Variants in ELAC1 observed in about 807,000 individuals in gnomAD.
ELAC1 encodes zinc phosphodiesterase ELAC protein 1.
ELAC1 carries 19 observed loss-of-function variants against 25.8 expected under a neutral mutation model. The observed-to-expected ratio is 0.74, with a 90% CI of 0.51 to 1.08. The LOEUF is 1.08. Ranked by LOEUF, ELAC1 falls within the 50% of genes least tolerant of loss-of-function variation. ELAC1 has a pLI of 0.00. For missense variants in ELAC1, 403 were observed against 434.6 expected (o/e 0.93, Z 0.65); for synonymous variants, 148 against 160.9 (o/e 0.92, Z 0.61).
At chr18:50,986,186 G>A (rs1266140656) in intron 3 of ELAC1, among the ~76,000 whole-genome samples, 3 of 151,572 alleles carry the variant, frequency 2.0e-5, no homozygotes, top group South Asian at 2.1e-4. Context: ...CACCTGCCTC[G>A]GCCTCGCACA....
chr18:50,978,515 G>A (rs925447794), intron 2 of ELAC1, among the ~76,000 whole-genome samples: 2 of 152,134 alleles, frequency 1.3e-5, no homozygotes, highest in Non-Finnish European at 1.5e-5. Context: ...TCACTGTCAC[G>A]AGAACAGCAT....
rs1168071139 is a variant in ELAC1, at chr18:50,987,820, A to G, written c.*735A>G. The G allele has an allele frequency of 6.6e-6, 1 of 152,222 alleles. No homozygotes were observed. Among genetic ancestry groups the G allele is most frequent in the Non-Finnish European group, 1.5e-5 (1 of 68,034 alleles). 9.4% of individuals were successfully genotyped at this position (152,222 alleles called of 1,614,324 possible). ...GTCCTGCAAAGTTTTGGTCAGTCAT[A>G]TACAATAAAGAATCATCTCACCCCG... On this transcript the variant is annotated 3_prime_UTR_variant, in exon 4 of 4. Transcript: ENST00000269466.
rs1284816410 is a variant in ELAC1, at chr18:50,987,665, G to A, written c.*580G>A. On this transcript the variant is annotated 3_prime_UTR_variant, in exon 4 of 4. Transcript: ENST00000269466. ...TTAACCCATGGTTCTCAGCTGGGGT[G>A]ACACTGCTCCTCTAGAAGCAGGTTT... 1.3e-5 allele frequency: 2 copies of A among 152,216 alleles called. No individual in the cohort carries two copies. The highest frequency in any genetic ancestry group is 3.8e-4 in the East Asian group (2 of 5,198). The allele number at this position is 152,216 out of a possible 1,614,324, so 9.4% of individuals were successfully genotyped here.
At position 50,986,566 on chromosome 18, in the gene ELAC1, A is replaced by T; in HGVS notation, c.626-53A>T. ...GCAATGCTGTTAAAATAGACTCTTG[A>T]AAAGTCATAAATTCCATTCCTATGA... is the stretch of plus-strand genomic sequence containing the variant. On this transcript the variant is annotated intron_variant, in intron 3 of 3. Transcript: ENST00000269466. 2.8e-6 allele frequency: 4 copies of T among 1,406,318 alleles called. No homozygotes were observed. The South Asian group carries it at 5.5e-5, about 19-fold the overall frequency. 87.1% of individuals were successfully genotyped at this position (1,406,318 alleles called of 1,614,324 possible).
chr18:50,980,405 A>C (rs997732269), intron 2 of ELAC1, among the ~76,000 whole-genome samples: 1 of 151,888 alleles, frequency 6.6e-6, no homozygotes, highest in African/African-American at 2.4e-5. Context: ...AAAAGAAAAC[A>C]AAAAAAACAC....
At chr18:50,981,883 G>T (rs1036568552) in intron 2 of ELAC1, among the ~76,000 whole-genome samples, 21 of 113,644 alleles carry the variant, frequency 1.8e-4, no homozygotes, top group African/African-American at 6.5e-4. Flanking sequence ...TTTCACTCTT[G>T]TTGCCCAGGC....
At chr18:50,986,577 A>T (rs998181005) in intron 3 of ELAC1, 42 bp from the exon 4 acceptor site, 2 of 1,466,586 alleles carry the variant, frequency 1.4e-6, no homozygotes, top group Non-Finnish European at 1.9e-6. Context: ...AAAGTCATAA[A>T]TTCCATTCCT....
At chr18:50,972,530 G>A (rs940767352) in intron 1 of ELAC1, among the ~76,000 whole-genome samples, 2 of 152,156 alleles carry the variant, frequency 1.3e-5, no homozygotes, top group African/African-American at 2.4e-5. Context: ...CACCCAGGCT[G>A]GAGTGCAATT....
Position 50,986,729 on chromosome 18 carries a change from A to G in ELAC1, c.736A>G (p.Arg246Gly). 6.2e-7 allele frequency: 1 copy of G among 1,614,218 alleles called. No individual in the cohort carries two copies. Among genetic ancestry groups the G allele is most frequent in the South Asian group, 1.1e-5 (1 of 91,086 alleles). ...TGTCTTAAAAAAGCCTATTGTTGGA[A>G]GAAAAATCTGCATATTGGGTGACTG... ...QDVLKKPIVG[R>G]KICILGDCSG... The change falls in exon 4 of 4, where the codon AGA (arginine) becomes GGA (glycine). Residue 246 changes from arginine to glycine, a missense_variant. Coordinates refer to ENST00000269466, the MANE Select transcript of ELAC1 (RefSeq NM_018696.3).
intron 1 of ELAC1, among the ~76,000 whole-genome samples, chr18:50,973,291 G>A (rs1907711228): frequency 6.6e-6 from 1 of 152,110 alleles, no homozygotes; most frequent in Admixed American, 6.5e-5. Context: ...TCTATAATCA[G>A]TTATGTATAA....
chr18:50,984,038 G>T lies in ELAC1; in HGVS notation c.158-58G>T. The T allele has an allele frequency of 8.7e-7, 1 of 1,144,320 alleles. No individual in the cohort carries two copies. The highest frequency in any genetic ancestry group is 2.0e-4 in the Middle Eastern group (1 of 4,898). The allele number at this position is 1,144,320 out of a possible 1,614,324, so 70.9% of individuals were successfully genotyped here. ...TGTTAGGCTTGTTTCAAATAGCTTTGTATGGGTTTTTAGTTAATGAAAAAT... is the reference window on the plus strand; with the variant it reads ...TGTTAGGCTTGTTTCAAATAGCTTTTTATGGGTTTTTAGTTAATGAAAAAT... On this transcript the variant is annotated intron_variant, in intron 2 of 3. Coordinates refer to ENST00000269466, the MANE Select transcript of ELAC1 (RefSeq NM_018696.3).
rs748468090 is a variant in ELAC1 at position 50,986,857 on chromosome 18, G to T, written c.864G>T (p.Glu288Asp). 1 of 1,614,180 alleles carries T rather than the reference G, an allele frequency of 6.2e-7. No individual in the cohort carries two copies. Among genetic ancestry groups the T allele is most frequent in the Admixed American group, 1.7e-5 (1 of 60,008 alleles). The change falls in exon 4 of 4, where the codon GAG (glutamate) becomes GAT (aspartate). Residue 288 changes from glutamate (E) to aspartate (D), a missense_variant. Physicochemically the swap from Glu to Asp is conservative, Grantham distance 45 (BLOSUM62 2). Coordinates refer to ENST00000269466, the MANE Select transcript of ELAC1 (RefSeq NM_018696.3). ...ATGCCCAGATGGACAAAGCAAAGGA[G>T]CATGGCCACAGCACACCACAGATGG... is the stretch of plus-strand genomic sequence containing the variant. ...LDDAQMDKAKEHGHSTPQMAA... is the reference protein window; with the variant it reads ...LDDAQMDKAKDHGHSTPQMAA...
intron 2 of ELAC1, among the ~76,000 whole-genome samples, chr18:50,983,786 C>G (rs1306621566): frequency 6.7e-6 from 1 of 149,924 alleles, no homozygotes; most frequent in Non-Finnish European, 1.5e-5. Flanking sequence ...TCCAGGAGGT[C>G]AAGGCTGCAG....
intron 2 of ELAC1, among the ~76,000 whole-genome samples, chr18:50,975,891 A>AT (rs1907786773): frequency 6.6e-6 from 1 of 152,158 alleles, no homozygotes; most frequent in Non-Finnish European, 1.5e-5. Flanking sequence ...CATCCCAGAG[A>AT]TTGTTAACAG....
intron 1 of ELAC1, among the ~76,000 whole-genome samples, chr18:50,971,114 T>C: frequency 6.6e-6 from 1 of 152,236 alleles, no homozygotes. Flanking sequence ...ATTTTAGCCA[T>C]CTTGAGAGCA....
At chr18:50,982,419 A>G (rs1170168087) in intron 2 of ELAC1, among the ~76,000 whole-genome samples, 1 of 152,254 alleles carries the variant, frequency 6.6e-6, no homozygotes, top group Non-Finnish European at 1.5e-5. Context: ...AGAACAAATC[A>G]CATTACAGTA....
At chr18:50,977,262 A>G (rs536201966) in intron 2 of ELAC1, among the ~76,000 whole-genome samples, 2 of 152,284 alleles carry the variant, frequency 1.3e-5, no homozygotes, top group Non-Finnish European at 2.9e-5. Flanking sequence ...TTTCCCTTCC[A>G]CACTGCCCTA....
chr18:50,974,377 AGAT>A lies in ELAC1; in HGVS notation c.-8-16_-8-14del. ...GGTACAGTGATATGAAATAATCCCC[AGAT>A]GATCTTTCTGTTGCAGGGTGGAAGA... On this transcript the variant is annotated splice_polypyrimidine_tract_variant and intron_variant, in intron 1 of 3. Coordinates refer to ENST00000269466, the MANE Select transcript of ELAC1 (RefSeq NM_018696.3). 1.3e-6 allele frequency: 2 copies of A among 1,509,982 alleles called. No homozygotes were observed. Among genetic ancestry groups the A allele is most frequent in the Non-Finnish European group, 1.8e-6 (2 of 1,131,224 alleles). The allele number at this position is 1,509,982 out of a possible 1,614,324, so 93.5% of individuals were successfully genotyped here.
At position 50,986,845 on chromosome 18, in the gene ELAC1, C is replaced by T. The variant is rs1326481130; in HGVS notation, c.852C>T (p.Asp284=). The change falls in exon 4 of 4, where the codon GAC becomes GAT. Residue 284 remains aspartate, a synonymous_variant. Coordinates refer to ENST00000269466, the MANE Select transcript of ELAC1 (RefSeq NM_018696.3). The stretch of plus-strand genomic sequence containing the variant: ...CAACCCTGGATGATGCCCAGATGGA[C>T]AAAGCAAAGGAGCATGGCCACAGCA... ...HEATLDDAQM[D]KAKEHGHSTP... The T allele has an allele frequency of 1.7e-5, 27 of 1,613,992 alleles. No individual in the cohort carries two copies. Among genetic ancestry groups the T allele is most frequent in the Non-Finnish European group, 2.2e-5 (26 of 1,180,038 alleles).
Sources: allele counts gnomAD v4.1 joint callset (sites outside exome capture counted in the v4.1 genomes callset), GRCh38; gene constraint gnomAD v4.1.1; transcripts MANE v1.5; gene names NCBI Gene and HGNC (gene_info 2026-07-23, HGNC 2026-07-21).